The following DIS3L2 variants were observed in gnomAD, a reference collection of about 807,000 sequenced individuals.
The protein encoded by DIS3L2 is DIS3 like 3'-5' exoribonuclease 2.
Under a neutral mutation model 97.5 loss-of-function variants are expected in DIS3L2, and 34 were observed. The observed-to-expected ratio is 0.35, with a 90% CI of 0.27 to 0.46. The LOEUF (loss-of-function observed/expected upper bound fraction) is 0.46. Among genes scored for constraint, DIS3L2 ranks in the 20% least tolerant of loss-of-function variants. The pLI is 1.00. For synonymous variants in DIS3L2, 435 were observed against 445.2 expected (o/e 0.98, Z 0.29); for missense variants, 1,038 against 1,146.0 (o/e 0.91, Z 1.36).
intron 9 of DIS3L2, among the ~76,000 whole-genome samples, chr2:232,193,982 C>T (rs1357188622): frequency 2.0e-5 from 3 of 152,140 alleles, no homozygotes; most frequent in East Asian, 1.9e-4. Context: ...TGGTGGTGCT[C>T]GCCTGTAGTC....
chr2:232,193,878 G>A (rs745445361), intron 9 of DIS3L2, among the ~76,000 whole-genome samples: 7 of 152,186 alleles, frequency 4.6e-5, no homozygotes, highest in Non-Finnish European at 1.0e-4. Flanking sequence ...GGAGGCCAAG[G>A]CAGGCGGATC....
At chr2:232,026,831 A>G (rs187659274) in intron 4 of DIS3L2, among the ~76,000 whole-genome samples, 16 of 152,314 alleles carry the variant, frequency 1.1e-4, no homozygotes, top group Admixed American at 9.2e-4. Context: ...TTGTTCTCTT[A>G]CTTAAAATTG....
At chr2:232,290,392 G>A (rs1327384506) in intron 13 of DIS3L2, among the ~76,000 whole-genome samples, 2 of 152,234 alleles carry the variant, frequency 1.3e-5, no homozygotes, top group Non-Finnish European at 2.9e-5. Context: ...TCAGGGACGA[G>A]CTCTTCCTTG....
intron 5 of DIS3L2, among the ~76,000 whole-genome samples, chr2:232,073,327 C>T (rs1303459178): frequency 3.9e-5 from 6 of 152,156 alleles, no homozygotes; most frequent in Admixed American, 6.5e-5. Flanking sequence ...ATCCGAGGCT[C>T]AGGTAGTGGG....
chr2:232,084,087 G>A (rs896477769), intron 5 of DIS3L2, among the ~76,000 whole-genome samples: 6 of 152,154 alleles, frequency 3.9e-5, no homozygotes, highest in Admixed American at 2.6e-4. Context: ...GCATATTTAA[G>A]GAAATTGAAT....
chr2:232,235,238 T>C (rs761604891), intron 10 of DIS3L2, among the ~76,000 whole-genome samples: 9 of 152,242 alleles, frequency 5.9e-5, no homozygotes, highest in Non-Finnish European at 7.3e-5. Context: ...TTTAAAAATA[T>C]TTTAAAAGAA....
At chr2:232,024,220 T>C (rs1443061843) in intron 3 of DIS3L2, 57 bp from the exon 4 acceptor site, 1 of 1,324,238 alleles carries the variant, frequency 7.6e-7, no homozygotes, top group Non-Finnish European at 1.1e-6. Flanking sequence ...ATAACATACG[T>C]GGAAAAATCG....
chr2:232,087,822 A>C (rs1039349471), intron 6 of DIS3L2, 101 bp downstream of exon 6: 1 of 964,684 alleles, frequency 1.0e-6, no homozygotes, highest in African/African-American at 1.6e-5. Flanking sequence ...CCATTGATAT[A>C]GTCCTAATTT....
intron 6 of DIS3L2, 116 bp downstream of exon 6, chr2:232,087,837 C>G: frequency 1.2e-6 from 1 of 813,360 alleles, no homozygotes; most frequent in Non-Finnish European, 1.9e-6. Context: ...TAATTTTTGA[C>G]CTGTGGCAGC....
intron 6 of DIS3L2, among the ~76,000 whole-genome samples, chr2:232,104,103 AT>A (rs1212408677): frequency 2.0e-5 from 3 of 151,656 alleles, no homozygotes; most frequent in African/African-American, 7.3e-5. Context: ...TACTGTTTTT[AT>A]TACCAAGGAA....
chr2:232,163,473 G>C lies in DIS3L2; in HGVS notation c.965G>C (p.Ser322Thr). The C allele has an allele frequency of 6.2e-7, 1 of 1,613,990 alleles. No individual in the cohort carries two copies. The highest frequency in any genetic ancestry group is 1.1e-5 in the South Asian group (1 of 91,030). Residue 322 changes from serine to threonine, a missense_variant, in exon 9 of 21, where the codon AGT becomes ACT. Coordinates refer to ENST00000325385, the MANE Select transcript of DIS3L2 (RefSeq NM_152383.5). ...CNFALGQLAK[S>T]LGQAGEIEPE... is the part of the protein sequence containing the mutation. ...TCTATCCATAGGCAGCTGGCTAAGA[G>C]TCTTGGGCAGGCTGGTGAAATTGAG... is the stretch of plus-strand genomic sequence containing the variant.
At chr2:232,255,500 A>G (rs1164943501) in intron 12 of DIS3L2, among the ~76,000 whole-genome samples, 1 of 152,192 alleles carries the variant, frequency 6.6e-6, no homozygotes, top group Non-Finnish European at 1.5e-5. Flanking sequence ...TTTTTTTTTA[A>G]ACACTCACAA....
At chr2:231,993,830 T>A (rs1693649112) in intron 1 of DIS3L2, among the ~76,000 whole-genome samples, 1 of 152,002 alleles carries the variant, frequency 6.6e-6, no homozygotes, top group Non-Finnish European at 1.5e-5. Context: ...AAGAATGTCA[T>A]TGTTGAATAA....
chr2:232,325,703 C>T lies in DIS3L2; in HGVS notation c.1740-4110C>T, dbSNP rs1695551947. Among the ~76,000 whole-genome samples, 1 of 152,230 alleles carries T rather than the reference C, an allele frequency of 6.6e-6. No individual in the cohort carries two copies. The highest frequency in any genetic ancestry group is 1.5e-5 in the Non-Finnish European group (1 of 68,028). Reference sequence around the variant, plus strand: ...AAGGCCCCCGTCTCCGAGGCCTTAGCTTGCTGTTCTGGAAGGTGATGCTGG... The same window carrying T: ...AAGGCCCCCGTCTCCGAGGCCTTAGTTTGCTGTTCTGGAAGGTGATGCTGG... On this transcript the variant is annotated intron_variant, in intron 14 of 20. Coordinates refer to ENST00000325385, the MANE Select transcript of DIS3L2 (RefSeq NM_152383.5). The surrounding 1 kb of genome is among the most constrained non-coding windows in gnomAD (Gnocchi z 4.6).
At chr2:232,148,279 C>T (rs1690280343) in intron 8 of DIS3L2, among the ~76,000 whole-genome samples, 1 of 152,068 alleles carries the variant, frequency 6.6e-6, no homozygotes, top group Non-Finnish European at 1.5e-5. Flanking sequence ...GATCTCTTGA[C>T]TTCGTGATCC....
At chr2:232,107,463 C>T (rs996158792) in intron 6 of DIS3L2, among the ~76,000 whole-genome samples, 2 of 152,012 alleles carry the variant, frequency 1.3e-5, no homozygotes, top group African/African-American at 4.8e-5. Flanking sequence ...CCTTTGGGAG[C>T]CTGAGGTGGG....
chr2:232,130,755 GGCTTTCACCTGA>G (rs1698193695), intron 7 of DIS3L2, 36 bp downstream of exon 7: 1 of 1,610,210 alleles, frequency 6.2e-7, no homozygotes, highest in African/African-American at 1.3e-5. Flanking sequence ...GTGTCCAAAT[GGCTTTCACCTGA>G]GCTACTTGTT....
chr2:232,329,787 C>CCGGGGGGGGGA, intron 14 of DIS3L2, 26 bp from the exon 15 acceptor site: 2 of 1,062,210 alleles, frequency 1.9e-6, no homozygotes, highest in Non-Finnish European at 1.3e-6. Context: ...CCCAGCGGTC[C>CCGGGGGGGGGA]CTCCCATCCC....
intron 14 of DIS3L2, among the ~76,000 whole-genome samples, chr2:232,324,013 C>T (rs541929640): frequency 3.2e-4 from 49 of 152,320 alleles, no homozygotes; most frequent in East Asian, 3.1e-3. Context: ...TTCAGTGCTC[C>T]GTAGACCCCT....
Sources: gnomAD v4.1 joint callset for allele counts (sites outside exome capture counted in the v4.1 genomes callset) on GRCh38, gnomAD v4.1.1 for gene constraint, Gnocchi (gnomAD v3.1) non-coding constraint, MANE v1.5 for transcripts, NCBI Gene and HGNC (gene_info 2026-07-23, HGNC 2026-07-21) for gene names.